The following COLGALT2 variants were observed in gnomAD, a reference collection of about 807,000 sequenced individuals.
COLGALT2 encodes collagen beta(1-O)galactosyltransferase 2, also known as procollagen galactosyltransferase 2.
Under a neutral mutation model 73.4 loss-of-function variants are expected in COLGALT2, and 49 were observed. That is an observed-to-expected ratio of 0.67 (90% CI 0.53 to 0.85). The LOEUF (loss-of-function observed/expected upper bound fraction) is 0.85. COLGALT2 is among the 40% of genes least tolerant of loss of function. The pLI is 0.00. For missense variants in COLGALT2, 722 were observed against 790.2 expected, an observed-to-expected ratio of 0.91 and a Z score of 1.03; for synonymous variants, 295 against 307.6, an observed-to-expected ratio of 0.96 and a Z score of 0.43.
intron 1 of COLGALT2, among the ~76,000 whole-genome samples, chr1:184,031,511 A>C (rs1649508705): frequency 1.3e-5 from 2 of 152,216 alleles, no homozygotes; most frequent in Admixed American, 6.5e-5. Context: ...TGAAAGAAAC[A>C]CTAGCGTTCT....
intron 3 of COLGALT2, among the ~76,000 whole-genome samples, chr1:183,974,417 G>T (rs942979686): frequency 6.6e-6 from 1 of 152,168 alleles, no homozygotes; most frequent in Non-Finnish European, 1.5e-5. Context: ...AAATTCAGAA[G>T]TCTTCATTTT....
intron 6 of COLGALT2, among the ~76,000 whole-genome samples, chr1:183,962,623 G>A (rs1232887495): frequency 1.3e-5 from 2 of 152,044 alleles, no homozygotes; most frequent in Non-Finnish European, 2.9e-5. Context: ...TCAAGCCTAT[G>A]TCCTAAGCTT....
intron 1 of COLGALT2, among the ~76,000 whole-genome samples, chr1:184,021,465 C>T (rs574725588): frequency 3.5e-4 from 53 of 152,168 alleles, no homozygotes; most frequent in African/African-American, 1.2e-3. Context: ...ATCATGAGAG[C>T]GAGTTCCTTA....
Position 183,938,745 on chromosome 1 carries a change from CA to C in COLGALT2, c.*15del, listed in dbSNP as rs771277090. On this transcript the variant is annotated 3_prime_UTR_variant, in exon 12 of 12. Coordinates refer to ENST00000361927, the MANE Select transcript of COLGALT2 (RefSeq NM_015101.4). ...GAGGATGTTGAACTGATGTGGGCCA[CA>C]CTCCCAGGGAGCCTTCATAGCTCAT... 6 of 1,612,960 alleles carry C rather than the reference CA, an allele frequency of 3.7e-6. No homozygotes were observed. In the South Asian group the frequency reaches 6.6e-5, roughly 18 times the overall value.
In COLGALT2 at chr1:183,936,600, C is replaced by A. The variant is rs887847941; in HGVS notation, c.*2161G>T. The A allele has an allele frequency of 1.1e-4, 124 of 1,174,112 alleles. No homozygotes were observed. The African/African-American group carries it at 1.8e-3, about 17-fold the overall frequency. 72.7% of individuals were successfully genotyped at this position (1,174,112 alleles called of 1,614,324 possible). ...TCCTTCAACCCCAGCACCCCAGCCACCTCCCACCCCATTAAAAAAGTCATT... is the reference window on the plus strand; with the variant it reads ...TCCTTCAACCCCAGCACCCCAGCCAACTCCCACCCCATTAAAAAAGTCATT... On this transcript the variant is annotated 3_prime_UTR_variant, in exon 12 of 12. Coordinates refer to ENST00000361927, the MANE Select transcript of COLGALT2 (RefSeq NM_015101.4).
chr1:183,979,232 T>G (rs1458916614), intron 1 of COLGALT2, among the ~76,000 whole-genome samples: 1 of 152,130 alleles, frequency 6.6e-6, no homozygotes, highest in Non-Finnish European at 1.5e-5. Flanking sequence ...AAAAGTATTT[T>G]CAAATTGTAT....
chr1:183,977,460 G>T (rs1419713775), intron 2 of COLGALT2, among the ~76,000 whole-genome samples: 1 of 131,146 alleles, frequency 7.6e-6, no homozygotes, highest in African/African-American at 2.8e-5. Flanking sequence ...GACATAGCAA[G>T]ACTCTGTCTC....
chr1:183,954,961 G>A (rs1202346432), intron 6 of COLGALT2, 123 bp from the exon 7 acceptor site: 4 of 727,436 alleles, frequency 5.5e-6, no homozygotes, highest in African/African-American at 1.7e-5. Flanking sequence ...AGGGGACAAT[G>A]GCAGCAGTTC....
At chr1:184,023,935 A>G (rs1362200629) in intron 1 of COLGALT2, among the ~76,000 whole-genome samples, 2 of 152,216 alleles carry the variant, frequency 1.3e-5, no homozygotes, top group African/African-American at 4.8e-5. Context: ...TTAGAGGGCA[A>G]ATAAGTTTTT....
chr1:183,975,744 A>G (rs1671171829), intron 2 of COLGALT2, among the ~76,000 whole-genome samples: 1 of 152,234 alleles, frequency 6.6e-6, no homozygotes, highest in Non-Finnish European at 1.5e-5. Flanking sequence ...AGGTAAAGTG[A>G]GGTCGTGGGA....
At chr1:183,935,121 GCCC>G, downstream of COLGALT2, among the ~76,000 whole-genome samples, 1 of 152,150 alleles carries the variant, frequency 6.6e-6, no homozygotes, top group East Asian at 1.9e-4. Flanking sequence ...ACTGTGCCCA[GCCC>G]TCCTCCCTCT....
In COLGALT2 at chr1:183,938,704, C is replaced by T; in HGVS notation, c.*57G>A. On this transcript the variant is annotated 3_prime_UTR_variant, in exon 12 of 12. Coordinates refer to ENST00000361927, the MANE Select transcript of COLGALT2 (RefSeq NM_015101.4). ...AAAACTGGAGCAAACAGATGAATAG[C>T]CCTTTAGAAAAACCAGAGGATGTTG... The T allele has an allele frequency of 1.3e-6, 2 of 1,586,364 alleles. No homozygotes were observed. Among genetic ancestry groups the T allele is most frequent in the Admixed American group, 1.7e-5 (1 of 57,826 alleles).
intron 1 of COLGALT2, among the ~76,000 whole-genome samples, chr1:184,016,592 A>G (rs904634130): frequency 1.3e-5 from 2 of 152,254 alleles, no homozygotes; most frequent in African/African-American, 2.4e-5. Context: ...CCTAGGCAGG[A>G]TTGAATCTAG....
At position 184,037,707 on chromosome 1, in the gene COLGALT2, C is replaced by T. The variant is rs1021789993; in HGVS notation, c.-350G>A. 7.1e-6 allele frequency: 7 copies of T among 991,676 alleles called. No individual in the cohort carries two copies. The highest frequency in any genetic ancestry group is 8.4e-6 in the Non-Finnish European group (7 of 830,960). 61.4% of individuals were successfully genotyped at this position (991,676 alleles called of 1,614,324 possible). On this transcript the variant is annotated 5_prime_UTR_variant, in exon 1 of 12. Coordinates refer to ENST00000361927, the MANE Select transcript of COLGALT2 (RefSeq NM_015101.4). The stretch of plus-strand genomic sequence containing the variant: ...CGCTCGTACAGCTGAGGTCTGTGGC[C>T]TTCCCTAGAGCCGCGAGTTGTGGCC...
At chr1:183,946,993 T>C (rs1670269983) in intron 8 of COLGALT2, among the ~76,000 whole-genome samples, 1 of 152,110 alleles carries the variant, frequency 6.6e-6, no homozygotes, top group Non-Finnish European at 1.5e-5. Flanking sequence ...ATCGTGCCAT[T>C]GCACTGCAGC....
chr1:183,930,569 C>CTTTTTTTTTTTTTTTTTTTTTTTTTT (rs397861890), intron 11 of COLGALT2, among the ~76,000 whole-genome samples: 1 of 114,066 alleles, frequency 8.8e-6, no homozygotes, highest in Non-Finnish European at 1.7e-5. Context: ...TTTTCTTTTT[C>CTTTTTTTTTTTTTTTTTTTTTTTTTT]TTTTTTTTTT....
rs1032530927 is a variant in COLGALT2, at chr1:183,936,773, A to G, written c.*1988T>C. The G allele has an allele frequency of 3.2e-6, 4 of 1,231,336 alleles. No homozygotes were observed. In the Admixed American group the frequency reaches 1.7e-4, roughly 52 times the overall value. 76.3% of individuals were successfully genotyped at this position (1,231,336 alleles called of 1,614,324 possible). ...GTGGGTGGGAAAGGAAGTCACACTG[A>G]CAGCTAAGTCTAAGCGGCACAATTT... On this transcript the variant is annotated 3_prime_UTR_variant, in exon 12 of 12. Coordinates refer to ENST00000361927, the MANE Select transcript of COLGALT2 (RefSeq NM_015101.4).
intron 1 of COLGALT2, among the ~76,000 whole-genome samples, chr1:184,026,132 A>G (rs1649323554): frequency 6.6e-6 from 1 of 152,164 alleles, no homozygotes; most frequent in African/African-American, 2.4e-5. Flanking sequence ...TGCTTCCAAG[A>G]CCTTTCACAG....
At chr1:183,989,369 C>G (rs938244172) in intron 1 of COLGALT2, among the ~76,000 whole-genome samples, 1 of 152,154 alleles carries the variant, frequency 6.6e-6, no homozygotes, top group Admixed American at 6.5e-5. Flanking sequence ...AAACATGGAG[C>G]CTCTGAAACA....
Sources: allele counts gnomAD v4.1 joint callset (sites outside exome capture counted in the v4.1 genomes callset), GRCh38; gene constraint gnomAD v4.1.1; transcripts MANE v1.5; gene names NCBI Gene and HGNC (gene_info 2026-07-23, HGNC 2026-07-21).